MSMB: variants seen among roughly 807,000 people sequenced by gnomAD.
The protein encoded by MSMB is beta-microseminoprotein.
In MSMB, 10 loss-of-function variants were observed where a neutral mutation model predicts 10.5. That is an observed-to-expected ratio of 0.95 (90% CI 0.59 to 1.62). The LOEUF (loss-of-function observed/expected upper bound fraction) is 1.62. Ranked by LOEUF, MSMB falls within the 40% of genes most tolerant of loss-of-function variation. MSMB has a pLI of 0.00. For missense variants in MSMB, 126 were observed against 137.4 expected, an observed-to-expected ratio of 0.92 and a Z score of 0.42; for synonymous variants, 43 against 46.5, an observed-to-expected ratio of 0.93 and a Z score of 0.30.
chr10:46,039,902 C>G, intron 2 of MSMB, 84 bp downstream of exon 2: 4 of 1,049,318 alleles, frequency 3.8e-6, no homozygotes, highest in Non-Finnish European at 5.7e-6. Flanking sequence ...AACAAACAAA[C>G]AGAAACACAA....
chr10:46,046,252 C>T lies in MSMB; in HGVS notation c.-15G>A. 1.2e-6 allele frequency: 2 copies of T among 1,612,222 alleles called. No individual in the cohort carries two copies. The highest frequency in any genetic ancestry group is 1.7e-5 in the Admixed American group (1 of 60,008). On this transcript the variant is annotated 5_prime_UTR_variant, in exon 1 of 4. Coordinates refer to ENST00000582163, the MANE Select transcript of MSMB (RefSeq NM_002443.4). Reference sequence around the variant, plus strand: ...TTACCTACCATTGTGATAAGCAGGACTCCTTATAGACAGGTACATCCAGGC... The same window carrying T: ...TTACCTACCATTGTGATAAGCAGGATTCCTTATAGACAGGTACATCCAGGC...
At chr10:46,039,251 A>T (rs1840688119) in intron 2 of MSMB, among the ~76,000 whole-genome samples, 180 bp from the exon 3 acceptor site, 1 of 152,216 alleles carries the variant, frequency 6.6e-6, no homozygotes, top group Non-Finnish European at 1.5e-5. Flanking sequence ...AGTACTGTTC[A>T]GTTCATGCTA....
intron 3 of MSMB, among the ~76,000 whole-genome samples, chr10:46,034,710 A>T (rs1045983212): frequency 6.6e-6 from 1 of 151,864 alleles, no homozygotes; most frequent in South Asian, 2.1e-4. Flanking sequence ...CTGTAGTCCC[A>T]GCTACTCAGG....
At chr10:46,039,866 A>G in intron 2 of MSMB, 120 bp downstream of exon 2, 3 of 729,820 alleles carry the variant, frequency 4.1e-6, no homozygotes, top group Non-Finnish European at 6.8e-6. Flanking sequence ...TGGGAGACAG[A>G]GCATGACTAT....
intron 1 of MSMB, among the ~76,000 whole-genome samples, chr10:46,043,456 TGAAA>T: frequency 7.1e-6 from 1 of 140,326 alleles, no homozygotes. Context: ...TCTCTCTCTC[TGAAA>T]CTCAGTTTTC....
intron 1 of MSMB, among the ~76,000 whole-genome samples, chr10:46,043,280 G>A (rs1394431573): frequency 6.6e-6 from 1 of 152,206 alleles, no homozygotes; most frequent in Non-Finnish European, 1.5e-5. Flanking sequence ...CAGCTCTAGA[G>A]CAGAGGCAGG....
intron 3 of MSMB, among the ~76,000 whole-genome samples, chr10:46,038,142 A>G (rs1035420783): frequency 6.6e-6 from 1 of 152,184 alleles, no homozygotes; most frequent in Admixed American, 6.5e-5. Context: ...TGACTGCTTA[A>G]TGGGTATAGA....
Position 46,033,465 on chromosome 10 carries a change from T to C in MSMB, c.302A>G (p.Lys101Arg). 1 of 1,614,004 alleles carries C rather than the reference T, an allele frequency of 6.2e-7. No homozygotes were observed. Among genetic ancestry groups the C allele is most frequent in the South Asian group, 1.1e-5 (1 of 91,084 alleles). Residue 101 changes from lysine to arginine, a missense_variant, in exon 4 of 4, where the codon AAG becomes AGG. Lys to Arg is a conservative substitution (Grantham distance 26, BLOSUM62 2). Coordinates refer to ENST00000582163, the MANE Select transcript of MSMB (RefSeq NM_002443.4). ...EDCKYIVVEK[K>R]DPKKTCSVSE... Reference sequence around the variant, plus strand: ...GACAGAACAGGTCTTTTTTGGGTCCTTCTTCTCCACCACGATATACTTGCA... The same window carrying C: ...GACAGAACAGGTCTTTTTTGGGTCCCTCTTCTCCACCACGATATACTTGCA...
chr10:46,034,046 C>G (rs979003551), intron 3 of MSMB, among the ~76,000 whole-genome samples: 1 of 152,194 alleles, frequency 6.6e-6, no homozygotes, highest in Admixed American at 6.5e-5. Context: ...GCAGTACATA[C>G]AAATATTTTG....
chr10:46,041,982 T>C (rs1840764460), intron 1 of MSMB, among the ~76,000 whole-genome samples: 1 of 152,146 alleles, frequency 6.6e-6, no homozygotes, highest in African/African-American at 2.4e-5. Flanking sequence ...TTAGAACAAG[T>C]GGTGAACTAT....
chr10:46,033,547 A>C lies in MSMB; in HGVS notation c.220T>G (p.Ser74Ala). 5 of 1,613,454 alleles carry C rather than the reference A, an allele frequency of 3.1e-6. No individual in the cohort carries two copies. Among genetic ancestry groups the C allele is most frequent in the Non-Finnish European group, 4.2e-6 (5 of 1,179,440 alleles). ...ETEISCCTLV[S>A]TPVGYDKDNC... ...TCTTTGTCATAACCCACAGGTGTAG[A>C]AACACTGTCATTGAGACAAAACTGG... Residue 74 changes from serine (S) to alanine (A), a missense_variant, in exon 4 of 4, where the codon TCT becomes GCT. Physicochemically the swap from Ser to Ala is moderately conservative, Grantham distance 99. Transcript: ENST00000582163.
chr10:46,036,945 A>G (rs1420925068), intron 3 of MSMB, among the ~76,000 whole-genome samples: 3 of 152,252 alleles, frequency 2.0e-5, no homozygotes, highest in Admixed American at 6.5e-5. Context: ...GACAATGTCA[A>G]ATTTCTGGAG....
At chr10:46,044,762 G>A (rs1396108799) in intron 1 of MSMB, among the ~76,000 whole-genome samples, 2 of 151,166 alleles carry the variant, frequency 1.3e-5, no homozygotes, top group Non-Finnish European at 2.9e-5. Context: ...GACCAGCCTG[G>A]GCAACATAGT....
chr10:46,043,404 T>G (rs1554928893), intron 1 of MSMB, among the ~76,000 whole-genome samples: 4 of 151,364 alleles, frequency 2.6e-5, no homozygotes, highest in African/African-American at 7.3e-5. Context: ...TGTCTCTCTC[T>G]CTCTCTCCCT....
intron 3 of MSMB, among the ~76,000 whole-genome samples, chr10:46,034,216 G>A (rs555159299): frequency 5.3e-5 from 8 of 152,194 alleles, no homozygotes; most frequent in Middle Eastern, 3.4e-3. Context: ...AGGTTTAAGC[G>A]ATTCTCCTGC....
At chr10:46,044,441 T>C (rs1296727786) in intron 1 of MSMB, among the ~76,000 whole-genome samples, 2 of 146,380 alleles carry the variant, frequency 1.4e-5, no homozygotes, top group African/African-American at 5.0e-5. Flanking sequence ...CTGGGCGTGG[T>C]GGCGGGCGCC....
chr10:46,040,128 T>A, intron 1 of MSMB, 37 bp from the exon 2 acceptor site: 1 of 1,561,452 alleles, frequency 6.4e-7, no homozygotes, highest in Non-Finnish European at 8.8e-7. Flanking sequence ...GAGAATGAAT[T>A]AATTCAAAGG....
chr10:46,035,622 T>C (rs200915018), intron 3 of MSMB, among the ~76,000 whole-genome samples: 2 of 152,206 alleles, frequency 1.3e-5, no homozygotes, highest in East Asian at 3.9e-4. Flanking sequence ...AGACAGAAAG[T>C]AGACTTGAGA....
At chr10:46,043,965 G>A (rs1328056919) in intron 1 of MSMB, among the ~76,000 whole-genome samples, 2 of 151,832 alleles carry the variant, frequency 1.3e-5, no homozygotes, top group Non-Finnish European at 2.9e-5. Context: ...GTGAGCCACC[G>A]CGCCCAACCA....
Sources: allele counts gnomAD v4.1 joint callset (sites outside exome capture counted in the v4.1 genomes callset), GRCh38; gene constraint gnomAD v4.1.1; transcripts MANE v1.5; gene names NCBI Gene and HGNC (gene_info 2026-07-23, HGNC 2026-07-21).